The following SCARA3 variants were observed in gnomAD, a reference collection of about 807,000 sequenced individuals.
The protein encoded by SCARA3 is scavenger receptor class A member 3.
SCARA3 carries 39 observed loss-of-function variants against 47.0 expected under a neutral mutation model. The ratio of observed to expected loss-of-function variants is 0.83; its 90% CI spans 0.64 to 1.08. The LOEUF is 1.08. SCARA3 is among the 50% of genes least tolerant of loss of function. The probability of loss-of-function intolerance (pLI) is 0.00; values close to 1 mark genes in which losing one functional copy is unlikely to be tolerated. For synonymous variants in SCARA3, 356 were observed against 334.1 expected, an observed-to-expected ratio of 1.07 and a Z score of -0.71; for missense variants, 724 against 792.3, an observed-to-expected ratio of 0.91 and a Z score of 1.04.
the SCARA3 span, among the ~76,000 whole-genome samples, chr8:27,693,645 G>T: frequency 6.6e-6 from 1 of 152,200 alleles, no homozygotes; most frequent in African/African-American, 2.4e-5. Flanking sequence ...GGAAGTGGGG[G>T]TTGGACATGC....
At chr8:27,634,422 C>T (rs1461365178) in intron 1 of SCARA3, among the ~76,000 whole-genome samples, 1 of 152,116 alleles carries the variant, frequency 6.6e-6, no homozygotes, top group African/African-American at 2.4e-5. Context: ...CACTCACACA[C>T]CCCCCCTTGC....
intron 1 of SCARA3, among the ~76,000 whole-genome samples, chr8:27,641,449 A>G (rs1801379705): frequency 1.3e-5 from 2 of 152,242 alleles, no homozygotes; most frequent in South Asian, 4.1e-4. Context: ...AGGAATGGGA[A>G]GTGAGGATCC....
chr8:27,634,157 GC>G lies in SCARA3; in HGVS notation c.-42del. The G allele has an allele frequency of 6.9e-7, 1 of 1,449,888 alleles. No homozygotes were observed. The highest frequency in any genetic ancestry group is 9.0e-7 in the Non-Finnish European group (1 of 1,105,804). 89.8% of individuals were successfully genotyped at this position (1,449,888 alleles called of 1,614,324 possible). On this transcript the variant is annotated 5_prime_UTR_variant, in exon 1 of 6. Coordinates refer to ENST00000301904, the MANE Select transcript of SCARA3 (RefSeq NM_016240.3). ...GCCGCCCGGCTCCACTACAGCTCCA[GC>G]CGCCTGCAGCGGGGCCCTCCTGAGG...
At chr8:27,647,518 T>C (rs1322542248) in intron 1 of SCARA3, among the ~76,000 whole-genome samples, 1 of 152,208 alleles carries the variant, frequency 6.6e-6, no homozygotes, top group Non-Finnish European at 1.5e-5. Context: ...ATTGTGTTTG[T>C]TGAGCCTTTC....
downstream of SCARA3, among the ~76,000 whole-genome samples, chr8:27,678,049 G>GT (rs1221758355): frequency 2.6e-5 from 4 of 152,172 alleles, no homozygotes; most frequent in Admixed American, 6.5e-5. Flanking sequence ...CTAAAGCAGT[G>GT]TATGGAGGGA....
At chr8:27,656,953 GT>G (rs1585285860) in intron 4 of SCARA3, 73 bp downstream of exon 4, 5 of 951,802 alleles carry the variant, frequency 5.3e-6, no homozygotes, top group Non-Finnish European at 8.6e-6. Flanking sequence ...CCACGCTACA[GT>G]GCCCCAGCAC....
intron 2 of SCARA3, 136 bp downstream of exon 2, chr8:27,649,936 G>A (rs768656917): frequency 8.5e-6 from 6 of 703,700 alleles, no homozygotes; most frequent in Non-Finnish European, 1.4e-5. Flanking sequence ...CTTCCTGGAT[G>A]GTGAAAGGGC....
chr8:27,714,681 A>G, the SCARA3 span, among the ~76,000 whole-genome samples: 5 of 152,164 alleles, frequency 3.3e-5, no homozygotes, highest in Non-Finnish European at 5.9e-5. Context: ...TTTATAAGAA[A>G]CCATGAGTTC....
At chr8:27,647,065 T>A (rs1405725550) in intron 1 of SCARA3, among the ~76,000 whole-genome samples, 1 of 145,634 alleles carries the variant, frequency 6.9e-6, no homozygotes, top group Non-Finnish European at 1.5e-5. Flanking sequence ...CCGGAAGCTT[T>A]GCCACTGCCC....
chr8:27,654,795 AAAAAAAAGAAAAAG>A (rs1409918292), intron 3 of SCARA3, among the ~76,000 whole-genome samples: 1 of 141,962 alleles, frequency 7.0e-6, no homozygotes, highest in South Asian at 2.5e-4. Context: ...CTCACAAAAA[AAAAAAAAGAAAAAG>A]AAAAAAAGAA....
intron 1 of SCARA3, among the ~76,000 whole-genome samples, chr8:27,639,574 C>T (rs1801338801): frequency 6.6e-6 from 1 of 152,116 alleles, no homozygotes; most frequent in Non-Finnish European, 1.5e-5. Flanking sequence ...CAGAAAGGAC[C>T]TGAGTGCTCC....
At chr8:27,670,543 GGGGGT>G (rs1802121810) in intron 5 of SCARA3, among the ~76,000 whole-genome samples, 1 of 152,194 alleles carries the variant, frequency 6.6e-6, no homozygotes, top group African/African-American at 2.4e-5. Context: ...GAGAAGTCAT[GGGGGT>G]GGGGTGGGGG....
At chr8:27,715,473 C>T in the SCARA3 span, among the ~76,000 whole-genome samples, 1 of 152,112 alleles carries the variant, frequency 6.6e-6, no homozygotes, top group Non-Finnish European at 1.5e-5. The surrounding 1 kb of genome is among the most constrained non-coding windows in gnomAD (Gnocchi z 4.2). Context: ...CCCCGCCCCA[C>T]CCATGGTCCA....
rs966586219 is a variant in SCARA3 at position 27,672,847 on chromosome 8, C to G, written c.*1496C>G. On this transcript the variant is annotated 3_prime_UTR_variant, in exon 6 of 6. Transcript: ENST00000301904. ...GCATAGAGTTGTCTCCTTCCCAACA[C>G]GGACCCAGAGAGCAGCCCTTCCCTG... 4.1e-6 allele frequency: 4 copies of G among 985,542 alleles called. No individual in the cohort carries two copies. Among genetic ancestry groups the G allele is most frequent in the Admixed American group, 1.2e-4 (2 of 16,272 alleles). The allele number at this position is 985,542 out of a possible 1,614,324, so 61.0% of individuals were successfully genotyped here.
chr8:27,687,474 G>C, the SCARA3 span, among the ~76,000 whole-genome samples: 555 of 151,880 alleles, frequency 3.7e-3, 5 homozygotes, highest in African/African-American at 0.012. Flanking sequence ...AGCTAGGAGA[G>C]AGACAGAGAG....
chr8:27,721,618 C>T, the SCARA3 span, among the ~76,000 whole-genome samples: 9 of 152,144 alleles, frequency 5.9e-5, no homozygotes, highest in South Asian at 2.1e-4. Context: ...TAGATGGTGT[C>T]GGTGAGACTG....
At chr8:27,716,452 A>T in the SCARA3 span, among the ~76,000 whole-genome samples, 4,781 of 152,238 alleles carry the variant, frequency 0.031, 248 homozygotes, top group African/African-American at 0.11. Context: ...GCTCAAAGAA[A>T]GATGGGAACA....
rs1369043179 is a variant in SCARA3 at position 27,659,339 on chromosome 8, A to G, written c.1169A>G (p.His390Arg). The G allele has an allele frequency of 6.2e-7, 1 of 1,613,948 alleles. No individual in the cohort carries two copies. Among genetic ancestry groups the G allele is most frequent in the Middle Eastern group, 1.6e-4 (1 of 6,062 alleles). ...DVRLSCTLGF[H>R]THAEELYYLN... ...CGGCTCTCCTGCACGCTGGGCTTCC[A>G]CACCCATGCCGAGGAGCTCTACTAC... is the stretch of plus-strand genomic sequence containing the variant. Residue 390 changes from histidine to arginine, a missense_variant, in exon 5 of 6, where the codon CAC becomes CGC. By Grantham distance (29) the His-to-Arg change is conservative (BLOSUM62 0). Coordinates refer to ENST00000301904, the MANE Select transcript of SCARA3 (RefSeq NM_016240.3).
At chr8:27,694,804 T>C in the SCARA3 span, among the ~76,000 whole-genome samples, 2 of 152,130 alleles carry the variant, frequency 1.3e-5, no homozygotes, top group African/African-American at 4.8e-5. Flanking sequence ...TTTGTGCCTA[T>C]AGGTGGCCTA....
Sources: allele counts gnomAD v4.1 joint callset (sites outside exome capture counted in the v4.1 genomes callset), GRCh38; gene constraint gnomAD v4.1.1; non-coding constraint Gnocchi (gnomAD v3.1); transcripts MANE v1.5; gene names NCBI Gene and HGNC (gene_info 2026-07-23, HGNC 2026-07-21).